The following KCNK9 variants were observed in gnomAD, a reference collection of about 807,000 sequenced individuals.
KCNK9 encodes the protein potassium channel subfamily K member 9.
KCNK9 carries 1 observed loss-of-function variant against 10.8 expected under a neutral mutation model. That is an observed-to-expected ratio of 0.09 (90% CI 0.03 to 0.44). The LOEUF (loss-of-function observed/expected upper bound fraction) is 0.44, where lower values mean the gene tolerates loss of function less well. Ranked by LOEUF, KCNK9 falls within the 20% of genes least tolerant of loss-of-function variation. The pLI, the probability that KCNK9 is intolerant of heterozygous loss-of-function variation, is 0.97. For missense variants in KCNK9, 303 were observed against 515.0 expected, an observed-to-expected ratio of 0.59 and a Z score of 3.98; for synonymous variants, 231 against 222.7, an observed-to-expected ratio of 1.04 and a Z score of -0.33.
intron 1 of KCNK9, among the ~76,000 whole-genome samples, chr8:139,629,086 A>G (rs1815079067): frequency 6.6e-6 from 1 of 152,218 alleles, no homozygotes; most frequent in Non-Finnish European, 1.5e-5. Context: ...CCTTCTCATT[A>G]TGAGGACCCA....
chr8:139,638,714 G>A (rs539791379), intron 1 of KCNK9, among the ~76,000 whole-genome samples: 18 of 152,308 alleles, frequency 1.2e-4, no homozygotes, highest in East Asian at 3.9e-4. Flanking sequence ...CTCTGGGGCC[G>A]GGCAAAGTCC....
At chr8:139,648,711 C>T (rs751485625) in intron 1 of KCNK9, among the ~76,000 whole-genome samples, 33 of 152,228 alleles carry the variant, frequency 2.2e-4, no homozygotes, top group African/African-American at 6.5e-4. Flanking sequence ...TGGGTAAGGA[C>T]GCGGCCCCTG....
chr8:139,656,704 A>T (rs1816031427), intron 1 of KCNK9, among the ~76,000 whole-genome samples: 1 of 152,170 alleles, frequency 6.6e-6, no homozygotes, highest in African/African-American at 2.4e-5. Flanking sequence ...TTCTTCAATG[A>T]CCATGGTTGT....
At chr8:139,688,719 T>C (rs997126534) in intron 1 of KCNK9, among the ~76,000 whole-genome samples, 6 of 152,202 alleles carry the variant, frequency 3.9e-5, no homozygotes, top group Non-Finnish European at 8.8e-5. Flanking sequence ...TAACAATAGA[T>C]TAATTAACAT....
chr8:139,640,673 A>G (rs1815477813), intron 1 of KCNK9, among the ~76,000 whole-genome samples: 1 of 152,212 alleles, frequency 6.6e-6, no homozygotes, highest in South Asian at 2.1e-4. Flanking sequence ...ACAACCCTGG[A>G]CGGGACTCCT....
At chr8:139,652,303 A>C (rs937490808) in intron 1 of KCNK9, among the ~76,000 whole-genome samples, 1 of 152,200 alleles carries the variant, frequency 6.6e-6, no homozygotes, top group Non-Finnish European at 1.5e-5. Flanking sequence ...ACTAGGAACT[A>C]GTTTTCCCAA....
chr8:139,633,945 C>T (rs741463), intron 1 of KCNK9, among the ~76,000 whole-genome samples: 1 of 152,154 alleles, frequency 6.6e-6, no homozygotes, highest in Non-Finnish European at 1.5e-5. Context: ...TGTAACTATT[C>T]GCATCGAGCC....
chr8:139,606,020 G>A (rs1000880319), intron 2 of KCNK9, among the ~76,000 whole-genome samples: 5 of 152,102 alleles, frequency 3.3e-5, no homozygotes, highest in Admixed American at 6.5e-5. Flanking sequence ...AGAAGCAGTA[G>A]GCTCCTTTTG....
At chr8:139,623,262 A>C (rs1814851181) in intron 1 of KCNK9, among the ~76,000 whole-genome samples, 1 of 152,202 alleles carries the variant, frequency 6.6e-6, no homozygotes, top group African/African-American at 2.4e-5. Flanking sequence ...AAGTCCTGAG[A>C]AACCATTTTT....
intron 2 of KCNK9, among the ~76,000 whole-genome samples, chr8:139,606,317 C>G (rs958989368): frequency 1.3e-5 from 2 of 152,276 alleles, no homozygotes; most frequent in South Asian, 2.1e-4. Context: ...TTCATAAGAA[C>G]CAAACCCAGG....
chr8:139,636,379 T>A (rs1815339889), intron 1 of KCNK9, among the ~76,000 whole-genome samples: 1 of 152,234 alleles, frequency 6.6e-6, no homozygotes, highest in Admixed American at 6.5e-5. Flanking sequence ...CAGGCTGGGA[T>A]GAATGGGACC....
At chr8:139,637,785 A>ACACACACAC (rs3032725) in intron 1 of KCNK9, among the ~76,000 whole-genome samples, 1 of 149,558 alleles carries the variant, frequency 6.7e-6, no homozygotes, top group Non-Finnish European at 1.5e-5. Flanking sequence ...ACACACACAC[A>ACACACACAC]ATAATAGTAA....
At chr8:139,684,235 G>A (rs1485128253) in intron 1 of KCNK9, among the ~76,000 whole-genome samples, 1 of 152,082 alleles carries the variant, frequency 6.6e-6, no homozygotes, top group African/African-American at 2.4e-5. Flanking sequence ...ACATTACTTG[G>A]TGAACCCTCA....
rs112850961 is a variant in KCNK9 at position 139,658,659 on chromosome 8, C to T, written c.284-39560G>A. 8.0e-3 allele frequency among the ~76,000 whole-genome samples: 1,213 copies of T among 152,348 alleles called. 18 individuals carry two copies. The highest frequency in any genetic ancestry group is 0.028 in the African/African-American group (1,158 of 41,570). The stretch of plus-strand genomic sequence containing the variant: ...CAAGAACTGGGTCCTGGATGCTATT[C>T]TCACAAACCAGATGTGTCCTCAGGG... On this transcript the variant is annotated intron_variant, in intron 1 of 1. Coordinates refer to ENST00000520439, the MANE Select transcript of KCNK9 (RefSeq NM_001282534.2).
chr8:139,689,965 A>C (rs1816903477), intron 1 of KCNK9, among the ~76,000 whole-genome samples: 2 of 152,148 alleles, frequency 1.3e-5, no homozygotes, highest in Non-Finnish European at 2.9e-5. Flanking sequence ...TGAGCGAAAA[A>C]CATGCAATGA....
At chr8:139,658,816 G>A (rs1283892562) in intron 1 of KCNK9, among the ~76,000 whole-genome samples, 1 of 152,254 alleles carries the variant, frequency 6.6e-6, no homozygotes, top group Non-Finnish European at 1.5e-5. Flanking sequence ...CTTCTGGGCT[G>A]TTCCCTGCCC....
chr8:139,615,098 G>T (rs530730737), downstream of KCNK9, among the ~76,000 whole-genome samples: 3 of 152,220 alleles, frequency 2.0e-5, no homozygotes, highest in African/African-American at 7.2e-5. Context: ...GTGCAAGAGG[G>T]AGGAAGAGAG....
intron 1 of KCNK9, among the ~76,000 whole-genome samples, chr8:139,651,684 C>T (rs966986108): frequency 2.6e-5 from 4 of 152,068 alleles, no homozygotes; most frequent in African/African-American, 9.7e-5. Context: ...CAGAAGAAGA[C>T]TAATTAGTGG....
Position 139,703,080 on chromosome 8 carries a change from G to GCCT in KCNK9, c.-91_-89dup, listed in dbSNP as rs1279326840. The GCCT allele has an allele frequency of 5.0e-5, 60 of 1,202,718 alleles. No homozygotes were observed. The Admixed American group carries it at 1.3e-3, about 27-fold the overall frequency. 74.5% of individuals were successfully genotyped at this position (1,202,718 alleles called of 1,614,324 possible). A position where few individuals can be genotyped will look rare whatever the true frequency, so the allele number is the denominator to read the frequency against. On this transcript the variant is annotated 5_prime_UTR_variant, in exon 1 of 2. Transcript: ENST00000520439. This position sits in a 1 kb window ranked among gnomAD's most constrained non-coding sequence, Gnocchi z 6.4. ...ACTGCAGCGCCCGGCGGCCGCCGCC[G>GCCT]CCTCCTCCTCCGCCGCCGCCGCCGC...
Sources: gnomAD v4.1 joint callset for allele counts (sites outside exome capture counted in the v4.1 genomes callset) on GRCh38, gnomAD v4.1.1 for gene constraint, Gnocchi (gnomAD v3.1) non-coding constraint, MANE v1.5 for transcripts, NCBI Gene and HGNC (gene_info 2026-07-23, HGNC 2026-07-21) for gene names.